MAP4: variants seen among roughly 807,000 people sequenced by gnomAD.
MAP4 encodes microtubule associated protein 4.
MAP4 carries 76 observed loss-of-function variants against 170.2 expected under a neutral mutation model. The observed-to-expected ratio is 0.45, with a 90% CI of 0.37 to 0.54. The LOEUF (loss-of-function observed/expected upper bound fraction) is 0.54, where lower values mean the gene tolerates loss of function less well. Ranked by LOEUF, MAP4 falls within the 20% of genes least tolerant of loss-of-function variation. The pLI, the probability that MAP4 is intolerant of heterozygous loss-of-function variation, is 0.00. For synonymous variants in MAP4, 909 were observed against 994.5 expected, an observed-to-expected ratio of 0.91 and a Z score of 1.62; for missense variants, 2,506 against 2,748.0, an observed-to-expected ratio of 0.91 and a Z score of 1.97.
chr3:47,853,182 G>A lies in MAP4; in HGVS notation c.6867C>T (p.Asp2289=). ...ACTTACTTGTCTCCTGGATCTGGCT[G>A]TCCAAGGTCTGGGCCTCCCTTTGGT... ...GGDQREAQTL[D]SQIQETN The change falls in exon 20 of 21, where the codon GAC becomes GAT. Residue 2289 remains aspartate, a synonymous_variant. Transcript: ENST00000683076. 6.3e-7 allele frequency: 1 copy of A among 1,588,470 alleles called. No individual in the cohort carries two copies. The highest frequency in any genetic ancestry group is 8.6e-7 in the Non-Finnish European group (1 of 1,166,272).
Position 47,960,266 on chromosome 3 carries a change from T to A in MAP4, c.292+17599A>T, listed in dbSNP as rs190441065. 70 of 215,712 alleles carry A rather than the reference T, an allele frequency of 3.2e-4. No homozygotes were observed. The East Asian group carries it at 7.5e-3, about 23-fold the overall frequency. The allele number at this position is 215,712 out of a possible 1,614,324, so 13.4% of individuals were successfully genotyped here. ...TCTTTTTTCATCTTATTCAGTATAT[T>A]TCAGGCTATTCAGCAGATGCTTGTG... On this transcript the variant is annotated intron_variant, in intron 3 of 20. Coordinates refer to ENST00000683076, the MANE Select transcript of MAP4 (RefSeq NM_001385682.1).
intron 10 of MAP4, among the ~76,000 whole-genome samples, chr3:47,882,878 C>T (rs2096988123): frequency 6.6e-6 from 1 of 152,214 alleles, no homozygotes; most frequent in South Asian, 2.1e-4. Context: ...ACAATCTCGG[C>T]TCACTGCAAC....
chr3:47,852,846 G>T lies in MAP4; in HGVS notation c.*88C>A. ...GGACCCGGGAGCCCGAGTTGGGGCC[G>T]CCAGGGAAGTGTGGGGGGCGGGAGA... is the stretch of plus-strand genomic sequence containing the variant. On this transcript the variant is annotated 3_prime_UTR_variant, in exon 21 of 21. Transcript: ENST00000683076. 1 of 1,557,764 alleles carries T rather than the reference G, an allele frequency of 6.4e-7. No individual in the cohort carries two copies. The highest frequency in any genetic ancestry group is 8.7e-7 in the Non-Finnish European group (1 of 1,150,782).
intron 11 of MAP4, among the ~76,000 whole-genome samples, chr3:47,876,748 C>T (rs1298347593): frequency 6.6e-6 from 1 of 152,156 alleles, no homozygotes; most frequent in African/African-American, 2.4e-5. Flanking sequence ...CCTTCAAAAT[C>T]TGCATTCTCT....
chr3:48,006,357 G>C (rs1444749439), intron 1 of MAP4, among the ~76,000 whole-genome samples: 2 of 152,152 alleles, frequency 1.3e-5, no homozygotes, highest in Admixed American at 1.3e-4. Context: ...CTGGGCTGAT[G>C]ATGACTCCAG....
chr3:47,917,191 G>A lies in MAP4; in HGVS notation c.653-17C>T. On this transcript the variant is annotated splice_polypyrimidine_tract_variant and intron_variant, in intron 6 of 20. Transcript: ENST00000683076. ...CTAAGGGAACTAAATTGGAAATTTA[G>A]GACACATCATTGTCTACTCATACCT... 6.2e-7 allele frequency: 1 copy of A among 1,602,910 alleles called. No individual in the cohort carries two copies. Among genetic ancestry groups the A allele is most frequent in the Non-Finnish European group, 8.5e-7 (1 of 1,173,890 alleles).
intron 1 of MAP4, among the ~76,000 whole-genome samples, chr3:48,022,747 T>TGTGCGTGGTGGC (rs2100111149): frequency 6.6e-6 from 1 of 152,038 alleles, no homozygotes; most frequent in Admixed American, 6.5e-5. Flanking sequence ...CAAAATTAGC[T>TGTGCGTGGTGGC]GTGCGTGGTG....
intron 2 of MAP4, among the ~76,000 whole-genome samples, chr3:47,995,786 C>G (rs1430436023): frequency 6.6e-6 from 1 of 151,986 alleles, no homozygotes; most frequent in Admixed American, 6.6e-5. Flanking sequence ...AGTATGAAAT[C>G]CAAAGAAAAA....
At chr3:48,075,140 T>C (rs538898758) in intron 1 of MAP4, among the ~76,000 whole-genome samples, 2 of 152,320 alleles carry the variant, frequency 1.3e-5, no homozygotes, top group Admixed American at 1.3e-4. Context: ...AGCATATTTA[T>C]GCAGATAGTA....
intron 8 of MAP4, among the ~76,000 whole-genome samples, chr3:47,913,311 T>C (rs931822488): frequency 2.0e-5 from 3 of 152,180 alleles, no homozygotes; most frequent in Non-Finnish European, 4.4e-5. Flanking sequence ...AAGAATATTA[T>C]AATATGTAAA....
At chr3:48,044,312 G>A (rs1343738254) in intron 1 of MAP4, among the ~76,000 whole-genome samples, 3 of 145,920 alleles carry the variant, frequency 2.1e-5, no homozygotes, top group South Asian at 2.2e-4. Flanking sequence ...CCGCCACCAC[G>A]CCCGGCTAAT....
intron 2 of MAP4, among the ~76,000 whole-genome samples, chr3:47,995,545 C>T (rs1254746039): frequency 6.6e-6 from 1 of 152,090 alleles, no homozygotes; most frequent in African/African-American, 2.4e-5. Context: ...GCCACTGCAC[C>T]TGGTCTGGAG....
intron 10 of MAP4, among the ~76,000 whole-genome samples, chr3:47,894,759 C>T (rs1342962197): frequency 6.6e-6 from 1 of 151,920 alleles, no homozygotes; most frequent in Non-Finnish European, 1.5e-5. Flanking sequence ...GGTGCCATGG[C>T]TCACACCTGT....
intron 1 of MAP4, among the ~76,000 whole-genome samples, chr3:48,025,440 C>T (rs538567246): frequency 6.6e-6 from 1 of 151,958 alleles, no homozygotes; most frequent in African/African-American, 2.4e-5. Flanking sequence ...AGGCGTGCAT[C>T]ACCATGCCCA....
intron 1 of MAP4, among the ~76,000 whole-genome samples, chr3:48,041,364 G>A (rs1020748888): frequency 6.6e-6 from 1 of 151,754 alleles, no homozygotes; most frequent in Non-Finnish European, 1.5e-5. Context: ...CACCTGCCTT[G>A]GCCTCCCAAA....
At chr3:47,863,921 G>GGGGTGTGTGTGTGTGTGTGT (rs1553728648) in intron 17 of MAP4, among the ~76,000 whole-genome samples, 2 of 110,794 alleles carry the variant, frequency 1.8e-5, no homozygotes, top group African/African-American at 9.1e-5. Flanking sequence ...TGTGGGTGTG[G>GGGGTGTGTGTGTGTGTGTGT]GTGTGTGTGT....
Position 47,911,517 on chromosome 3 carries a change from T to G in MAP4, c.2904A>C (p.Glu968Asp). ...GVVSKPTAAK[E>D]IPNLVPTLIA... ...TCAAAGTGGGTACCAAATTTGGTATTTCTTTTGCTGCTGTGGGTTTTGAAA... is the reference window on the plus strand; with the variant it reads ...TCAAAGTGGGTACCAAATTTGGTATGTCTTTTGCTGCTGTGGGTTTTGAAA... The change falls in exon 9 of 21, where the codon GAA becomes GAC. Residue 968 changes from glutamate to aspartate, a missense_variant. Coordinates refer to ENST00000683076, the MANE Select transcript of MAP4 (RefSeq NM_001385682.1). This position sits in a 1 kb window ranked among gnomAD's most constrained non-coding sequence, Gnocchi z 4.0. The G allele has an allele frequency of 1.3e-6, 2 of 1,535,970 alleles. No homozygotes were observed. Among genetic ancestry groups the G allele is most frequent in the Non-Finnish European group, 1.7e-6 (2 of 1,146,848 alleles).
chr3:48,063,147 A>T (rs992608162), intron 1 of MAP4, among the ~76,000 whole-genome samples: 2 of 142,738 alleles, frequency 1.4e-5, no homozygotes, highest in East Asian at 2.0e-4. Flanking sequence ...CAAATTCATT[A>T]AAAAAAAAAA....
At chr3:47,973,472 C>G in intron 3 of MAP4, 1 of 984,962 alleles carries the variant, frequency 1.0e-6, no homozygotes, top group Non-Finnish European at 1.2e-6. Context: ...CAAAATGAAA[C>G]GTCCAAGTGA....
Sources: allele counts gnomAD v4.1 joint callset (sites outside exome capture counted in the v4.1 genomes callset), GRCh38; gene constraint gnomAD v4.1.1; non-coding constraint Gnocchi (gnomAD v3.1); transcripts MANE v1.5; gene names NCBI Gene and HGNC (gene_info 2026-07-23, HGNC 2026-07-21).